CNTN5: variants seen among roughly 807,000 people sequenced by gnomAD.
CNTN5 encodes the protein contactin 5.
A neutral mutation model predicts 129.1 loss-of-function variants in CNTN5; 77 were observed. The ratio of observed to expected loss-of-function variants is 0.60; its 90% CI spans 0.50 to 0.72. The LOEUF is 0.72. CNTN5 is among the 30% of genes least tolerant of loss of function. CNTN5 has a pLI of 0.00. For missense variants in CNTN5, 1,478 were observed against 1,328.8 expected (o/e 1.11, Z -1.75); for synonymous variants, 509 against 465.6 (o/e 1.09, Z -1.20).
At chr11:99,576,537 G>A (rs996479586) in intron 3 of CNTN5, among the ~76,000 whole-genome samples, 5 of 152,164 alleles carry the variant, frequency 3.3e-5, no homozygotes, top group African/African-American at 7.2e-5. Flanking sequence ...GACAGACACT[G>A]TAGATAAACC....
At chr11:99,805,458 T>C (rs2030389047) in intron 3 of CNTN5, among the ~76,000 whole-genome samples, 3 of 152,222 alleles carry the variant, frequency 2.0e-5, no homozygotes, top group Admixed American at 6.5e-5. Flanking sequence ...ATTAGAAATA[T>C]TGTTTGTCAT....
chr11:99,515,116 T>C (rs899145055), intron 2 of CNTN5, among the ~76,000 whole-genome samples: 1 of 152,056 alleles, frequency 6.6e-6, no homozygotes, highest in Admixed American at 6.6e-5. Flanking sequence ...AAAGCTCTAC[T>C]TAATTTAAAA....
chr11:99,751,669 T>C (rs905659618), intron 3 of CNTN5, among the ~76,000 whole-genome samples: 1 of 152,194 alleles, frequency 6.6e-6, no homozygotes, highest in African/African-American at 2.4e-5. Flanking sequence ...TCTGTAATAA[T>C]ATAGGCTGCC....
At chr11:99,754,779 T>A (rs977835352) in intron 3 of CNTN5, among the ~76,000 whole-genome samples, 2 of 152,154 alleles carry the variant, frequency 1.3e-5, no homozygotes, top group Non-Finnish European at 2.9e-5. Context: ...TTACCCCAGA[T>A]CAGTAGTTTA....
At chr11:100,013,186 G>A (rs542916230) in intron 9 of CNTN5, among the ~76,000 whole-genome samples, 9 of 152,216 alleles carry the variant, frequency 5.9e-5, no homozygotes, top group Admixed American at 3.3e-4. Flanking sequence ...AGACTCAGAA[G>A]TGTGGGAGGG....
intron 18 of CNTN5, among the ~76,000 whole-genome samples, chr11:100,272,718 GC>G (rs2138788050): frequency 6.6e-6 from 1 of 152,242 alleles, no homozygotes; most frequent in Admixed American, 6.5e-5. Context: ...CCTACGCGGG[GC>G]TACAGCACAC....
intron 3 of CNTN5, among the ~76,000 whole-genome samples, chr11:99,726,662 A>C (rs866979108): frequency 6.6e-6 from 1 of 152,226 alleles, no homozygotes; most frequent in Non-Finnish European, 1.5e-5. Flanking sequence ...ACATATGACA[A>C]TTCTACAATA....
chr11:99,738,544 G>T (rs1943783312), intron 3 of CNTN5, among the ~76,000 whole-genome samples: 1 of 151,556 alleles, frequency 6.6e-6, no homozygotes, highest in African/African-American at 2.4e-5. Flanking sequence ...ATAATAGAAG[G>T]AAAGTGCTGA....
intron 1 of CNTN5, among the ~76,000 whole-genome samples, chr11:99,058,107 A>T (rs896046349): frequency 3.3e-5 from 5 of 151,974 alleles, no homozygotes; most frequent in African/African-American, 1.2e-4. Context: ...ATGACGACAG[A>T]AAGAAAATTC....
intron 2 of CNTN5, among the ~76,000 whole-genome samples, chr11:99,425,872 C>T (rs1407941757): frequency 2.0e-5 from 3 of 152,218 alleles, no homozygotes; most frequent in African/African-American, 7.2e-5. Flanking sequence ...CCCACTGCAG[C>T]CAGTGTCTTC....
At chr11:100,251,792 A>G (rs577959374) in intron 16 of CNTN5, among the ~76,000 whole-genome samples, 5 of 152,252 alleles carry the variant, frequency 3.3e-5, no homozygotes, top group African/African-American at 1.2e-4. Context: ...GTGTATATAT[A>G]TCACATTTTC....
chr11:99,558,996 C>T (rs540562490), intron 3 of CNTN5, among the ~76,000 whole-genome samples: 2 of 152,148 alleles, frequency 1.3e-5, no homozygotes, highest in East Asian at 1.9e-4. Flanking sequence ...CAAAATCTTT[C>T]ATTTGCCTTC....
intron 13 of CNTN5, among the ~76,000 whole-genome samples, chr11:100,092,206 A>G (rs2138004641): frequency 6.6e-6 from 1 of 152,266 alleles, no homozygotes; most frequent in Non-Finnish European, 1.5e-5. Context: ...GATTTTCAAG[A>G]AAGCTTGTTT....
chr11:99,956,856 G>A lies in CNTN5; in HGVS notation c.724G>A (p.Asp242Asn), dbSNP rs371755605. ...FNEFPSFVAE[D>N]SRRFISQETG... The stretch of plus-strand genomic sequence containing the variant: ...TGAGTTCCCTTCCTTTGTGGCGGAA[G>A]ACAGCCGGCGGTTCATCTCCCAGGA... The change falls in exon 8 of 25, where the codon GAC becomes AAC. Residue 242 changes from aspartate (D) to asparagine (N), a missense_variant. By Grantham distance (23) the Asp-to-Asn change is conservative (BLOSUM62 1). Transcript: ENST00000524871. The A allele has an allele frequency of 6.2e-7, 1 of 1,613,822 alleles. No homozygotes were observed. The highest frequency in any genetic ancestry group is 8.5e-7 in the Non-Finnish European group (1 of 1,179,872).
chr11:99,387,041 A>G (rs1037197948), intron 2 of CNTN5, among the ~76,000 whole-genome samples: 3 of 151,938 alleles, frequency 2.0e-5, no homozygotes, highest in African/African-American at 7.3e-5. Context: ...TACTAGTAAA[A>G]TTTTTCCAAT....
At chr11:99,521,224 A>G (rs191345506) in intron 2 of CNTN5, among the ~76,000 whole-genome samples, 2 of 152,162 alleles carry the variant, frequency 1.3e-5, no homozygotes, top group African/African-American at 4.8e-5. Context: ...AGCTGGGGAA[A>G]AGATGTGGCT....
At chr11:99,119,756 A>G (rs1018297032) in intron 1 of CNTN5, among the ~76,000 whole-genome samples, 8 of 152,088 alleles carry the variant, frequency 5.3e-5, no homozygotes, top group African/African-American at 1.9e-4. Context: ...TCCCACCAAC[A>G]ACATATTAGC....
chr11:99,933,381 C>A (rs1472092245), intron 7 of CNTN5, among the ~76,000 whole-genome samples: 1 of 152,134 alleles, frequency 6.6e-6, no homozygotes, highest in Non-Finnish European at 1.5e-5. Flanking sequence ...ACATCAGCAA[C>A]TTTTAAGTGT....
rs1051744458 is a variant in CNTN5, at chr11:100,117,198, C to G, written c.1580+42904C>G. The stretch of plus-strand genomic sequence containing the variant: ...AAACATTGTGTGTCTATTAAAATCA[C>G]TCTACGTACCATCACTCAAAAGCAT... On this transcript the variant is annotated intron_variant, in intron 13 of 24. Transcript: ENST00000524871. Among the ~76,000 whole-genome samples the G allele has an allele frequency of 3.3e-5, 5 of 151,964 alleles. No homozygotes were observed. The East Asian group carries it at 7.7e-4, about 23-fold the overall frequency.
Sources: gnomAD v4.1 joint callset for allele counts (sites outside exome capture counted in the v4.1 genomes callset) on GRCh38, gnomAD v4.1.1 for gene constraint, MANE v1.5 for transcripts, NCBI Gene and HGNC (gene_info 2026-07-23, HGNC 2026-07-21) for gene names.